The following GNE variants were observed in gnomAD, a reference collection of about 807,000 sequenced individuals.
GNE encodes the protein glucosamine (UDP-N-acetyl)-2-epimerase/N-acetylmannosamine kinase.
In GNE, 41 loss-of-function variants were observed where a neutral mutation model predicts 61.8. The observed-to-expected ratio is 0.66, with a 90% CI of 0.52 to 0.86. The LOEUF is 0.86. Among genes scored for constraint, GNE ranks in the 40% least tolerant of loss-of-function variants. The probability of loss-of-function intolerance (pLI) is 0.00; values close to 1 mark genes in which losing one functional copy is unlikely to be tolerated. For missense variants in GNE, 608 were observed against 909.1 expected, an observed-to-expected ratio of 0.67 and a Z score of 4.26; for synonymous variants, 264 against 326.4, an observed-to-expected ratio of 0.81 and a Z score of 2.06.
At chr9:36,242,665 G>A (rs111271363) in intron 3 of GNE, among the ~76,000 whole-genome samples, 22,786 of 150,170 alleles carry the variant, frequency 0.15, 2,158 homozygotes, top group Non-Finnish European at 0.21. Flanking sequence ...TGATCTGCCC[G>A]CCGTGGCCTC....
chr9:36,261,725 C>T (rs1830624281), upstream of GNE, among the ~76,000 whole-genome samples: 1 of 151,828 alleles, frequency 6.6e-6, no homozygotes, highest in African/African-American at 2.4e-5. Context: ...TCAAGACCAT[C>T]CTGGCGAACA....
In GNE at chr9:36,214,895, T is replaced by G. The variant is rs566524232; in HGVS notation, c.*2470A>C. The stretch of plus-strand genomic sequence containing the variant: ...CACTAACCCACTAGGAAGGATATAG[T>G]TCAAATGTAATGTTGAGTCCTTCAG... On this transcript the variant is annotated 3_prime_UTR_variant, in exon 12 of 12. Transcript: ENST00000642385. 1 of 152,350 alleles carries G rather than the reference T, an allele frequency of 6.6e-6. No individual in the cohort carries two copies. The highest frequency in any genetic ancestry group is 2.4e-5 in the African/African-American group (1 of 41,570). 9.4% of individuals were successfully genotyped at this position (152,350 alleles called of 1,614,324 possible). A position where few individuals can be genotyped will look rare whatever the true frequency, so the allele number is the denominator to read the frequency against.
chr9:36,244,587 T>C (rs1386378832), intron 3 of GNE, among the ~76,000 whole-genome samples: 1 of 152,162 alleles, frequency 6.6e-6, no homozygotes, highest in Non-Finnish European at 1.5e-5. Flanking sequence ...ACTTATGGCT[T>C]ACTGCTTCCA....
At chr9:36,275,989 G>A (rs975777875) in intron 1 of GNE, among the ~76,000 whole-genome samples, 11 of 152,110 alleles carry the variant, frequency 7.2e-5, no homozygotes, top group Non-Finnish European at 1.0e-4. Context: ...CCTGGGCAGC[G>A]CAGCAAGACC....
At chr9:36,274,756 T>C (rs944088519) in intron 1 of GNE, among the ~76,000 whole-genome samples, 16 of 151,346 alleles carry the variant, frequency 1.1e-4, no homozygotes, top group Non-Finnish European at 2.1e-4. Context: ...GGAGTCTCGC[T>C]CTGTCGCCCA....
rs1490125320 is a variant in GNE, at chr9:36,249,358, T to C, written c.-3A>G. 1 of 1,613,462 alleles carries C rather than the reference T, an allele frequency of 6.2e-7. No individual in the cohort carries two copies. Among genetic ancestry groups the C allele is most frequent in the Admixed American group, 1.7e-5 (1 of 60,010 alleles). Reference sequence around the variant, plus strand: ...CGGTTATTTCCATTCTTCTCCATGATTTGCTTGTTTCGTTTTGAGAGGTTC... The same window carrying C: ...CGGTTATTTCCATTCTTCTCCATGACTTGCTTGTTTCGTTTTGAGAGGTTC... On this transcript the variant is annotated 5_prime_UTR_variant, in exon 2 of 12. Coordinates refer to ENST00000642385, the MANE Select transcript of GNE (RefSeq NM_005476.7).
Position 36,264,286 on chromosome 9 carries a change from C to T in GNE, c.51+12608G>A, listed in dbSNP as rs1002825021. ...TAATTGGGACTACAGGCAGGCACCA[C>T]GATGCCCGGCTAAGTTTTTTTGTAT... On this transcript the variant is annotated intron_variant, in intron 1 of 11. Transcript: ENST00000396594. 4.6e-5 allele frequency among the ~76,000 whole-genome samples: 7 copies of T among 152,096 alleles called. No homozygotes were observed. In the East Asian group the frequency reaches 5.8e-4, roughly 13 times the overall value.
At chr9:36,259,483 T>C (rs573480124), upstream of GNE, among the ~76,000 whole-genome samples, 2 of 152,348 alleles carry the variant, frequency 1.3e-5, no homozygotes, top group South Asian at 2.1e-4. Flanking sequence ...AAATTTCAAA[T>C]CTCATCAAAC....
upstream of GNE, chr9:36,258,525 C>T: frequency 1.0e-6 from 1 of 985,488 alleles, no homozygotes. Flanking sequence ...CGCGATCGCG[C>T]CCTGACGCCA....
At chr9:36,219,128 T>A (rs1449934738) in intron 10 of GNE, among the ~76,000 whole-genome samples, 1 of 152,100 alleles carries the variant, frequency 6.6e-6, no homozygotes, top group African/African-American at 2.4e-5. Flanking sequence ...CTGACTGCGC[T>A]TTTCTATACC....
intron 4 of GNE, among the ~76,000 whole-genome samples, chr9:36,236,358 G>A (rs1206495994): frequency 6.6e-6 from 1 of 152,096 alleles, no homozygotes; most frequent in Non-Finnish European, 1.5e-5. Context: ...CCACCACTGT[G>A]GCTGGCTAAT....
chr9:36,246,660 C>CTTTT (rs66781293), intron 2 of GNE, among the ~76,000 whole-genome samples, 178 bp from the exon 3 acceptor site: 2 of 119,064 alleles, frequency 1.7e-5, no homozygotes, highest in African/African-American at 3.2e-5. Flanking sequence ...GATTAAGATT[C>CTTTT]TTTTTTTTTT....
In GNE at chr9:36,238,633, G is replaced by T. The variant is rs150035095; in HGVS notation, c.617-1649C>A. The stretch of plus-strand genomic sequence containing the variant: ...TTTGTTTGAGTTCATTGTAGATTCT[G>T]GATATTAGTCTTTTGTCAGATGTAT... On this transcript the variant is annotated intron_variant, in intron 3 of 11. Transcript: ENST00000642385. Among the ~76,000 whole-genome samples, 1,217 of 152,204 alleles carry T rather than the reference G, an allele frequency of 8.0e-3. 18 individuals carry two copies. Among genetic ancestry groups the T allele is most frequent in the African/African-American group, 0.028 (1,167 of 41,528 alleles).
At chr9:36,248,710 C>G (rs1830001060) in intron 2 of GNE, among the ~76,000 whole-genome samples, 2 of 152,158 alleles carry the variant, frequency 1.3e-5, no homozygotes, top group Non-Finnish European at 1.5e-5. Flanking sequence ...TAATGTAACT[C>G]TCTACTTTAC....
In GNE at chr9:36,216,106, G is replaced by A. The variant is rs1235069181; in HGVS notation, c.*1259C>T. On this transcript the variant is annotated 3_prime_UTR_variant, in exon 12 of 12. Transcript: ENST00000642385. ...TTCAACAAATGGTATCCAGGATTAG[G>A]GGGGATATCTGAGATGGGGGAGTGA... 1 of 340,166 alleles carries A rather than the reference G, an allele frequency of 2.9e-6. No individual in the cohort carries two copies. The highest frequency in any genetic ancestry group is 3.4e-5 in the Admixed American group (1 of 29,124). The allele number at this position is 340,166 out of a possible 1,614,324, so 21.1% of individuals were successfully genotyped here.
At chr9:36,255,458 C>A (rs1241362067) in intron 1 of GNE, among the ~76,000 whole-genome samples, 1 of 152,114 alleles carries the variant, frequency 6.6e-6, no homozygotes, top group Non-Finnish European at 1.5e-5. Context: ...CTGCCTTGGC[C>A]TTGCCTCACA....
rs936879871 is a variant in GNE at position 36,216,160 on chromosome 9, G to A, written c.*1205C>T. On this transcript the variant is annotated 3_prime_UTR_variant, in exon 12 of 12. Transcript: ENST00000642385. ...ATATGTCCAGTGTCTTGATTGTGGT[G>A]ATGCTTTCACAGGTATACATATGTC... The A allele has an allele frequency of 1.8e-5, 7 of 383,804 alleles. No individual in the cohort carries two copies. Among genetic ancestry groups the A allele is most frequent in the Non-Finnish European group, 3.8e-5 (7 of 183,160 alleles). 23.8% of individuals were successfully genotyped at this position (383,804 alleles called of 1,614,324 possible).
intron 8 of GNE, 125 bp from the exon 9 acceptor site, chr9:36,223,123 G>A: frequency 1.1e-6 from 1 of 935,436 alleles, no homozygotes; most frequent in Non-Finnish European, 1.7e-6. Flanking sequence ...CGTTACCAAG[G>A]ACTGCAAGGA....
chr9:36,265,775 G>A (rs1488158747), intron 1 of GNE, among the ~76,000 whole-genome samples: 6 of 152,078 alleles, frequency 3.9e-5, no homozygotes, highest in Admixed American at 2.0e-4. Flanking sequence ...CATAAGGAGC[G>A]TTCAACCTAG....
Sources: allele counts gnomAD v4.1 joint callset (sites outside exome capture counted in the v4.1 genomes callset), GRCh38; gene constraint gnomAD v4.1.1; transcripts MANE v1.5; gene names NCBI Gene and HGNC (gene_info 2026-07-23, HGNC 2026-07-21).